ASIC2: variants seen among roughly 807,000 people sequenced by gnomAD.
The protein encoded by ASIC2 is acid sensing ion channel subunit 2.
Under a neutral mutation model 57.3 loss-of-function variants are expected in ASIC2, and 25 were observed. That is an observed-to-expected ratio of 0.44 (90% confidence interval 0.32 to 0.61). ASIC2 has a LOEUF of 0.61. Among genes scored for constraint, ASIC2 ranks in the 20% least tolerant of loss-of-function variants. ASIC2 has a pLI of 0.06. For synonymous variants in ASIC2, 319 were observed against 307.5 expected, an observed-to-expected ratio of 1.04 and a Z score of -0.39; for missense variants, 641 against 738.1, an observed-to-expected ratio of 0.87 and a Z score of 1.52.
At chr17:33,058,419 A>G (rs1475918443) in intron 3 of ASIC2, among the ~76,000 whole-genome samples, 1 of 144,228 alleles carries the variant, frequency 6.9e-6, no homozygotes, top group Admixed American at 7.3e-5. Context: ...CCTTTACTTC[A>G]TTAATCTACA....
rs551170873 is a variant in ASIC2, at chr17:33,468,284, C to T, written c.556-356217G>A. ...GCACAATGGAAATGGGAGATGATGGCGGTGGTTGAGGAGGCAAAGACCATC... is the reference window on the plus strand; with the variant it reads ...GCACAATGGAAATGGGAGATGATGGTGGTGGTTGAGGAGGCAAAGACCATC... On this transcript the variant is annotated intron_variant, in intron 1 of 9. Transcript: ENST00000359872. 8.5e-5 allele frequency among the ~76,000 whole-genome samples: 13 copies of T among 152,170 alleles called. 1 individual carries two copies. Among genetic ancestry groups the T allele is most frequent in the African/African-American group, 2.9e-4 (12 of 41,512 alleles).
chr17:33,485,749 C>G lies in ASIC2; in HGVS notation c.556-373682G>C, dbSNP rs373007711. Among the ~76,000 whole-genome samples the G allele has an allele frequency of 7.2e-5, 11 of 152,342 alleles. No homozygotes were observed. The South Asian group carries it at 1.9e-3, about 26-fold the overall frequency. On this transcript the variant is annotated intron_variant, in intron 1 of 9. Coordinates refer to the ASIC2 transcript ENST00000359872. ...GAGACAGATTAAGTACAAGAGAACT[C>G]AGGAACTTGGGGGATATTTTGGAGT...
chr17:33,988,860 A>G (rs1367138497), intron 1 of ASIC2, among the ~76,000 whole-genome samples: 1 of 152,008 alleles, frequency 6.6e-6, no homozygotes, highest in African/African-American at 2.4e-5. Flanking sequence ...AAGCCCAGCA[A>G]CCTTGCCCAG....
chr17:33,744,952 G>GA lies in ASIC2; in HGVS notation c.555+411025dup, dbSNP rs564490883. On this transcript the variant is annotated intron_variant, in intron 1 of 9. Transcript: ENST00000359872. ...GCTCAGCAGTAGATTTGAATGGGCA[G>GA]AAAAAAGAATCAGTAAATTTGAGGA... Among the ~76,000 whole-genome samples the GA allele has an allele frequency of 2.9e-3, 444 of 152,138 alleles. 3 individuals carry two copies. The highest frequency in any genetic ancestry group is 0.011 in the African/African-American group (436 of 41,514).
At chr17:33,497,880 G>C (rs1314967186) in intron 1 of ASIC2, among the ~76,000 whole-genome samples, 2 of 152,182 alleles carry the variant, frequency 1.3e-5, no homozygotes, top group Non-Finnish European at 2.9e-5. Flanking sequence ...GCCAGATATG[G>C]GCACCTCTCT....
At chr17:33,223,188 T>C (rs954942679) in intron 1 of ASIC2, among the ~76,000 whole-genome samples, 3 of 152,132 alleles carry the variant, frequency 2.0e-5, no homozygotes, top group Non-Finnish European at 4.4e-5. Context: ...CTTTTCTTTT[T>C]CTTTTTTCTT....
intron 1 of ASIC2, among the ~76,000 whole-genome samples, chr17:34,016,884 A>G (rs1338158301): frequency 7.2e-5 from 11 of 152,240 alleles, no homozygotes; most frequent in Non-Finnish European, 1.6e-4. Context: ...AAAGCCTAAG[A>G]TATTCATCAG....
chr17:33,868,034 T>G (rs974042886), intron 1 of ASIC2, among the ~76,000 whole-genome samples: 1 of 152,224 alleles, frequency 6.6e-6, no homozygotes, highest in African/African-American at 2.4e-5. Context: ...CTGCAGTAAG[T>G]CATTGAAGCC....
chr17:33,781,016 G>T (rs1237970363), intron 1 of ASIC2, among the ~76,000 whole-genome samples: 1 of 152,196 alleles, frequency 6.6e-6, no homozygotes, highest in Non-Finnish European at 1.5e-5. Flanking sequence ...AGGATCGGGG[G>T]TAATGAGCAT....
At chr17:33,505,601 C>A (rs1343086226) in intron 1 of ASIC2, among the ~76,000 whole-genome samples, 1 of 152,218 alleles carries the variant, frequency 6.6e-6, no homozygotes, top group Non-Finnish European at 1.5e-5. Flanking sequence ...CAGACTCCTC[C>A]CCATATTGCA....
At chr17:33,947,227 A>G (rs575155263) in intron 1 of ASIC2, among the ~76,000 whole-genome samples, 2 of 152,272 alleles carry the variant, frequency 1.3e-5, no homozygotes, top group South Asian at 4.1e-4. Context: ...TATCTTTGCC[A>G]CTCCAGACTG....
chr17:33,975,543 C>T (rs1352802521), intron 1 of ASIC2, among the ~76,000 whole-genome samples: 2 of 152,118 alleles, frequency 1.3e-5, no homozygotes, highest in Non-Finnish European at 2.9e-5. Context: ...ACCTGAAAAT[C>T]AATTTGACAC....
intron 1 of ASIC2, among the ~76,000 whole-genome samples, chr17:33,343,468 T>A (rs889699536): frequency 6.6e-6 from 1 of 152,154 alleles, no homozygotes; most frequent in Non-Finnish European, 1.5e-5. Flanking sequence ...GTCATTGGCT[T>A]CCTCACTTTA....
intron 1 of ASIC2, among the ~76,000 whole-genome samples, chr17:33,770,637 T>C (rs780107066): frequency 5.3e-5 from 8 of 152,158 alleles, no homozygotes; most frequent in Non-Finnish European, 8.8e-5. Context: ...CAGCTGCCTC[T>C]TGAACAGGAA....
intron 1 of ASIC2, among the ~76,000 whole-genome samples, chr17:33,855,251 C>A (rs77182983): frequency 0.018 from 2,694 of 152,274 alleles, 71 homozygotes; most frequent in African/African-American, 0.061. Context: ...CAACTCCAGA[C>A]TGGAGACCCT....
At chr17:33,350,597 G>T (rs747414474) in intron 1 of ASIC2, among the ~76,000 whole-genome samples, 6 of 151,716 alleles carry the variant, frequency 4.0e-5, no homozygotes, top group Non-Finnish European at 8.8e-5. Flanking sequence ...CACGAGAATG[G>T]CTTGAACCCG....
intron 1 of ASIC2, among the ~76,000 whole-genome samples, chr17:33,876,788 C>T (rs1481149032): frequency 6.6e-6 from 1 of 152,200 alleles, no homozygotes; most frequent in Admixed American, 6.5e-5. Context: ...TATCCATGGG[C>T]TTCTGCAGAA....
intron 6 of ASIC2, 73 bp from the exon 7 acceptor site, chr17:33,021,383 T>A (rs2091834941): frequency 8.1e-7 from 1 of 1,238,792 alleles, no homozygotes; most frequent in East Asian, 2.5e-5. Flanking sequence ...AATACAGCTT[T>A]CCCATGGAAA....
rs5820015 is a variant in ASIC2 at position 33,087,575 on chromosome 17, GTTT to G, written c.987+1285_987+1287del. The stretch of plus-strand genomic sequence containing the variant: ...GCTCACGTATAGATTTACAACCAGT[GTTT>G]TTTTTTTTTTTTTTTTTGAGACAGG... On this transcript the variant is annotated intron_variant, in intron 3 of 9. Coordinates refer to ENST00000225823, the MANE Select transcript of ASIC2 (RefSeq NM_183377.2). Among the ~76,000 whole-genome samples, 680 of 111,028 alleles carry G rather than the reference GTTT, an allele frequency of 6.1e-3. 13 individuals are homozygous for G. Among genetic ancestry groups the G allele is most frequent in the African/African-American group, 0.019 (540 of 27,712 alleles). The allele number at this position is 111,028 out of a possible 152,430, so 72.8% of individuals were successfully genotyped here. A position where few individuals can be genotyped will look rare whatever the true frequency, so the allele number is the denominator to read the frequency against.
Sources: gnomAD v4.1 joint callset for allele counts (sites outside exome capture counted in the v4.1 genomes callset) on GRCh38, gnomAD v4.1.1 for gene constraint, MANE v1.5 for transcripts, NCBI Gene and HGNC (gene_info 2026-07-23, HGNC 2026-07-21) for gene names.